Variants in CLIP1 observed in about 807,000 individuals in gnomAD.
CLIP1 encodes the protein CAP-Gly domain-containing linker protein 1.
A neutral mutation model predicts 161.6 loss-of-function variants in CLIP1; 66 were observed. The observed-to-expected ratio is 0.41, with a 90% CI of 0.33 to 0.50. The LOEUF (loss-of-function observed/expected upper bound fraction) is 0.50, where lower values mean the gene tolerates loss of function less well. CLIP1 is among the 20% of genes least tolerant of loss of function. CLIP1 has a pLI of 0.27. For synonymous variants in CLIP1, 598 were observed against 626.2 expected, an observed-to-expected ratio of 0.96 and a Z score of 0.67; for missense variants, 1,376 against 1,702.0, an observed-to-expected ratio of 0.81 and a Z score of 3.37.
At chr12:122,361,817 TG>T (rs899048639) in intron 4 of CLIP1, among the ~76,000 whole-genome samples, 1 of 152,050 alleles carries the variant, frequency 6.6e-6, no homozygotes, top group African/African-American at 2.4e-5. Flanking sequence ...GGTGACGGGG[TG>T]GACTCTGTCT....
At chr12:122,354,938 T>G in intron 6 of CLIP1, 177 bp downstream of exon 6, 1 of 623,806 alleles carries the variant, frequency 1.6e-6, no homozygotes, top group Non-Finnish European at 2.8e-6. Context: ...TTCATCTCTG[T>G]GATCATGGAA....
chr12:122,364,645 T>G, intron 3 of CLIP1: 1 of 411,622 alleles, frequency 2.4e-6, no homozygotes, highest in Non-Finnish European at 4.7e-6. Context: ...GCTCAAGTGA[T>G]CTGCCCACCT....
At chr12:122,284,550 C>T (rs1460614722) in intron 21 of CLIP1, among the ~76,000 whole-genome samples, 3 of 152,010 alleles carry the variant, frequency 2.0e-5, no homozygotes, top group African/African-American at 7.2e-5. Context: ...CGGGGTTTCA[C>T]CATGTTGGCC....
chr12:122,305,382 G>C (rs539220024), intron 20 of CLIP1, among the ~76,000 whole-genome samples: 4 of 152,332 alleles, frequency 2.6e-5, no homozygotes, highest in South Asian at 4.1e-4. Context: ...AGTGAGCTAT[G>C]ATAGTGCCAC....
chr12:122,399,445 A>T (rs916078185), intron 1 of CLIP1: 3 of 152,216 alleles, frequency 2.0e-5, no homozygotes, highest in African/African-American at 7.2e-5. Context: ...ATCTGATAAG[A>T]GCTTCAAACA....
Position 122,390,279 on chromosome 12 carries a change from C to CATATATATAT in CLIP1, c.-106-9731_-106-9722dup, listed in dbSNP as rs1179187571. 7.8e-3 allele frequency among the ~76,000 whole-genome samples: 614 copies of CATATATATAT among 78,952 alleles called. 5 individuals are homozygous for CATATATATAT. Among genetic ancestry groups the CATATATATAT allele is most frequent in the Middle Eastern group, 0.019 (3 of 160 alleles). 51.8% of individuals were successfully genotyped at this position (78,952 alleles called of 152,430 possible). On this transcript the variant is annotated intron_variant, in intron 1 of 25. Coordinates refer to ENST00000620786, the MANE Select transcript of CLIP1 (RefSeq NM_001247997.2). ...ATATATACACACACATATATATATA[C>CATATATATAT]ATATATATATATATATATATATATG...
chr12:122,315,006 C>G (rs1367868730), intron 19 of CLIP1, among the ~76,000 whole-genome samples: 1 of 152,156 alleles, frequency 6.6e-6, no homozygotes, highest in African/African-American at 2.4e-5. Flanking sequence ...TAGAGACCCG[C>G]CATTTAAACT....
intron 17 of CLIP1, among the ~76,000 whole-genome samples, chr12:122,320,662 T>C (rs1951459547): frequency 6.6e-6 from 1 of 150,958 alleles, no homozygotes. Flanking sequence ...AGGCAGAGGT[T>C]GCAGTGAGCC....
chr12:122,415,191 T>C (rs563346606), intron 1 of CLIP1, among the ~76,000 whole-genome samples: 2 of 152,202 alleles, frequency 1.3e-5, no homozygotes, highest in East Asian at 3.9e-4. Flanking sequence ...CCAATTAAGA[T>C]TGAAAAGTGG....
At chr12:122,409,109 C>T (rs1423884527) in intron 1 of CLIP1, among the ~76,000 whole-genome samples, 3 of 151,400 alleles carry the variant, frequency 2.0e-5, no homozygotes, top group African/African-American at 7.3e-5. Flanking sequence ...CCACGCCCAG[C>T]CTATAATATT....
intron 13 of CLIP1, 66 bp downstream of exon 13, chr12:122,334,582 G>T: frequency 9.2e-7 from 1 of 1,089,702 alleles, no homozygotes; most frequent in South Asian, 1.3e-5. Context: ...GCACTCCACA[G>T]GTCAGCTCCA....
At chr12:122,298,898 T>C (rs539388831) in intron 20 of CLIP1, among the ~76,000 whole-genome samples, 53 of 151,788 alleles carry the variant, frequency 3.5e-4, no homozygotes, top group Non-Finnish European at 4.1e-4. Context: ...GAGGTTGCAA[T>C]GGGCTGAGAT....
chr12:122,393,381 C>T (rs1245796458), intron 1 of CLIP1, among the ~76,000 whole-genome samples: 2 of 149,440 alleles, frequency 1.3e-5, no homozygotes, highest in African/African-American at 2.5e-5. Context: ...AGGAGGGTCT[C>T]GATTTCCTGA....
At position 122,394,419 on chromosome 12, in the gene CLIP1, G is replaced by T. The variant is rs1266503379; in HGVS notation, c.-106-13861C>A. On this transcript the variant is annotated intron_variant, in intron 1 of 25. Transcript: ENST00000620786. ...CACGAGAATCGTTTGAAGCCGGGAAGCGGAGGTTGCAGTGAGCCAAGATTT... is the reference window on the plus strand; with the variant it reads ...CACGAGAATCGTTTGAAGCCGGGAATCGGAGGTTGCAGTGAGCCAAGATTT... Among the ~76,000 whole-genome samples, 3 of 149,772 alleles carry T rather than the reference G, an allele frequency of 2.0e-5. No homozygotes were observed. In the East Asian group the frequency reaches 5.9e-4, roughly 29 times the overall value.
At chr12:122,334,999 G>A (rs756456803) in intron 12 of CLIP1, among the ~76,000 whole-genome samples, 2 of 152,196 alleles carry the variant, frequency 1.3e-5, no homozygotes, top group African/African-American at 4.8e-5. Context: ...GCATGTGCGT[G>A]TATACATAGG....
intron 12 of CLIP1, among the ~76,000 whole-genome samples, chr12:122,335,015 C>T (rs114123136): frequency 0.013 from 1,984 of 152,240 alleles, 47 homozygotes; most frequent in African/African-American, 0.04. Context: ...ATAGGGTGCA[C>T]GTGCATGCTT....
intron 1 of CLIP1, among the ~76,000 whole-genome samples, chr12:122,405,553 C>T (rs1308098145): frequency 6.6e-6 from 1 of 151,006 alleles, no homozygotes; most frequent in Non-Finnish European, 1.5e-5. Context: ...CTTTGGGAGG[C>T]CAAGGCGGAT....
At chr12:122,387,925 C>T (rs559294201) in intron 1 of CLIP1, among the ~76,000 whole-genome samples, 9 of 152,082 alleles carry the variant, frequency 5.9e-5, no homozygotes, top group African/African-American at 2.2e-4. Context: ...TAAATATTCT[C>T]AAGTTTTAAT....
chr12:122,345,904 G>C (rs890628150), intron 10 of CLIP1, among the ~76,000 whole-genome samples: 1 of 151,860 alleles, frequency 6.6e-6, no homozygotes, highest in Non-Finnish European at 1.5e-5. Context: ...TCCTGCCTCA[G>C]CCTCCCTAGT....
Sources: gnomAD v4.1 joint callset for allele counts (sites outside exome capture counted in the v4.1 genomes callset) on GRCh38, gnomAD v4.1.1 for gene constraint, MANE v1.5 for transcripts, NCBI Gene and HGNC (gene_info 2026-07-23, HGNC 2026-07-21) for gene names.